Variants in MACF1 observed in about 807,000 individuals in gnomAD.
MACF1 encodes microtubule-actin cross-linking factor 1.
MACF1 carries 193 observed loss-of-function variants against 854.8 expected under a neutral mutation model. The observed-to-expected ratio is 0.23, with a 90% CI of 0.20 to 0.25. MACF1 has a LOEUF of 0.25. MACF1 is among the 10% of genes least tolerant of loss of function. The pLI is 1.00. For missense variants in MACF1, 7,722 were observed against 8,929.1 expected (o/e 0.86, Z 5.45); for synonymous variants, 3,185 against 3,226.7 (o/e 0.99, Z 0.44).
chr1:39,327,113 A>T, intron 35 of MACF1, 105 bp from the exon 36 acceptor site: 1 of 1,091,886 alleles, frequency 9.2e-7, no homozygotes, highest in Non-Finnish European at 1.3e-6. Flanking sequence ...ATATGGAAGA[A>T]GATCATCCAT....
chr1:39,223,729 C>T lies in MACF1; in HGVS notation c.110-7453C>T, dbSNP rs145910692. On this transcript the variant is annotated intron_variant, in intron 1 of 100. Coordinates refer to ENST00000564288, the MANE Select transcript of MACF1 (RefSeq NM_001394062.1). ...ACAGGGGTTCACCAAGTAGGCCGGG[C>T]TGGTTTTGAACTCCTGACCTCCAGT... is the stretch of plus-strand genomic sequence containing the variant. 4.1e-3 allele frequency among the ~76,000 whole-genome samples: 619 copies of T among 152,098 alleles called. 1 individual carries two copies. Among genetic ancestry groups the T allele is most frequent in the Non-Finnish European group, 7.2e-3 (492 of 67,990 alleles).
rs1268731852 is a variant in MACF1 at position 39,428,227 on chromosome 1, T to A, written c.16743T>A (p.Ser5581Arg). 2 of 1,614,078 alleles carry A rather than the reference T, an allele frequency of 1.2e-6. No individual in the cohort carries two copies. Among genetic ancestry groups the A allele is most frequent in the Non-Finnish European group, 1.7e-6 (2 of 1,180,008 alleles). ...TGGCTGAGGTTGAGGACAAGCTCAG[T>A]TCAGTGTTCGTAAAGGATTTCAAAC... ...NWLAEVEDKL[S>R]SVFVKDFKQD... The change falls in exon 63 of 101, where the codon AGT becomes AGA. Residue 5581 changes from serine (S) to arginine (R), a missense_variant. Ser to Arg is a moderately radical substitution (Grantham distance 110, BLOSUM62 -1). Transcript: ENST00000564288.
chr1:39,373,904 A>G (rs1262054715), intron 52 of MACF1, among the ~76,000 whole-genome samples: 2 of 151,308 alleles, frequency 1.3e-5, no homozygotes, highest in African/African-American at 4.9e-5. Context: ...TTGTGCCCAG[A>G]TGTGTATATA....
chr1:39,486,091 A>C lies in MACF1; in HGVS notation c.*297A>C. ...GTATTAAAAAAAAAAAAGCCTATTA[A>C]TAGGGTTTCTGCGCGGTGCAGGGTT... On this transcript the variant is annotated 3_prime_UTR_variant, in exon 101 of 101. Transcript: ENST00000564288. 1.3e-5 allele frequency: 3 copies of C among 229,838 alleles called. No individual in the cohort carries two copies. Among genetic ancestry groups the C allele is most frequent in the Admixed American group, 5.6e-5 (1 of 17,772 alleles). 14.2% of individuals were successfully genotyped at this position (229,838 alleles called of 1,614,324 possible). A position where few individuals can be genotyped will look rare whatever the true frequency, so the allele number is the denominator to read the frequency against.
At chr1:39,192,995 C>T (rs1644275404) in intron 2 of MACF1, among the ~76,000 whole-genome samples, 2 of 152,112 alleles carry the variant, frequency 1.3e-5, no homozygotes, top group South Asian at 4.2e-4. Context: ...GCCTGTAATC[C>T]CAGCTACTTG....
rs562067609 is a variant in MACF1, at chr1:39,444,963, ATC to A, written c.19605+130_19605+131del. On this transcript the variant is annotated intron_variant, in intron 80 of 100. Coordinates refer to ENST00000564288, the MANE Select transcript of MACF1 (RefSeq NM_001394062.1). ...TAACAGAAGTTGCAGAACTGATTCC[ATC>A]TGTGTTGAGTTGCATTGATGGTATA... is the stretch of plus-strand genomic sequence containing the variant. 975 of 760,848 alleles carry A rather than the reference ATC, an allele frequency of 1.3e-3. 16 individuals carry two copies. In the South Asian group the frequency reaches 0.018, roughly 14 times the overall value. 47.1% of individuals were successfully genotyped at this position (760,848 alleles called of 1,614,324 possible).
chr1:39,472,535 C>A (rs1249494336), intron 97 of MACF1, among the ~76,000 whole-genome samples: 1 of 152,158 alleles, frequency 6.6e-6, no homozygotes, highest in African/African-American at 2.4e-5. Flanking sequence ...GAAGAAAGAG[C>A]TTTCATTTCT....
chr1:39,449,759 G>T (rs550357977), intron 84 of MACF1, among the ~76,000 whole-genome samples: 1 of 150,368 alleles, frequency 6.7e-6, no homozygotes, highest in South Asian at 2.1e-4. Context: ...CTGGAGTGCA[G>T]AACTTACTGC....
rs180937636 is a variant in MACF1, at chr1:39,226,454, C to T, written c.110-4728C>T. Reference sequence around the variant, plus strand: ...CTCCCAGGTTGAAGCAGTTCTCCTGCGTCAGCCTTCCGAGTAGCTGGGATT... The same window carrying T: ...CTCCCAGGTTGAAGCAGTTCTCCTGTGTCAGCCTTCCGAGTAGCTGGGATT... On this transcript the variant is annotated intron_variant, in intron 1 of 100. Transcript: ENST00000564288. Among the ~76,000 whole-genome samples the T allele has an allele frequency of 4.6e-3, 692 of 152,088 alleles. 2 individuals carry two copies. Among genetic ancestry groups the T allele is most frequent in the Non-Finnish European group, 6.5e-3 (442 of 68,000 alleles).
chr1:39,461,791 CAAAAAAAAAAA>C (rs59393084), intron 92 of MACF1, 81 bp from the exon 93 acceptor site: 57 of 350,900 alleles, frequency 1.6e-4, no homozygotes, highest in Middle Eastern at 9.2e-4. Flanking sequence ...GACCTTGTCT[CAAAAAAAAAAA>C]AAAAAAAAAA....
chr1:39,286,858 T>TAAAAAC (rs1438222663), intron 14 of MACF1, among the ~76,000 whole-genome samples: 1 of 152,238 alleles, frequency 6.6e-6, no homozygotes, highest in Admixed American at 6.5e-5. Flanking sequence ...GCATTTGTCT[T>TAAAAAC]AAAAACAATT....
chr1:39,415,161 A>T lies in MACF1; in HGVS notation c.15817-7213A>T, dbSNP rs549464967. 3.3e-5 allele frequency among the ~76,000 whole-genome samples: 5 copies of T among 152,348 alleles called. No individual in the cohort carries two copies. The South Asian group carries it at 8.3e-4, about 25-fold the overall frequency. On this transcript the variant is annotated intron_variant, in intron 58 of 100. Transcript: ENST00000564288. ...ATGCAAATATGTGTTTCTGAAAACC[A>T]GAGCTAGGCATAATGTTTATGAAAA...
chr1:39,341,574 C>T (rs1476747832), intron 40 of MACF1, among the ~76,000 whole-genome samples: 2 of 151,388 alleles, frequency 1.3e-5, no homozygotes, highest in African/African-American at 2.4e-5. Context: ...GGCAGGCACC[C>T]GTAATCCCAG....
At chr1:39,467,229 G>A (rs959349936) in intron 95 of MACF1, among the ~76,000 whole-genome samples, 3 of 152,136 alleles carry the variant, frequency 2.0e-5, no homozygotes, top group African/African-American at 7.2e-5. Context: ...AGCCGGCCTG[G>A]TGGCGGGCGC....
At chr1:39,458,610 C>G in intron 90 of MACF1, 120 bp downstream of exon 90, 1 of 1,259,388 alleles carries the variant, frequency 7.9e-7, no homozygotes. Flanking sequence ...GGTTTTGAAC[C>G]AAAATCTCTC....
intron 47 of MACF1, among the ~76,000 whole-genome samples, chr1:39,360,315 T>C (rs2148517916): frequency 6.6e-6 from 1 of 151,930 alleles, no homozygotes; most frequent in East Asian, 1.9e-4. Flanking sequence ...ATTTGATTTT[T>C]ATCATTAATT....
At chr1:39,355,976 G>A (rs1453871486) in intron 44 of MACF1, among the ~76,000 whole-genome samples, 2 of 152,124 alleles carry the variant, frequency 1.3e-5, no homozygotes, top group African/African-American at 4.8e-5. Flanking sequence ...CAGCTTTCTT[G>A]AAATGATGTG....
At chr1:39,280,219 T>C (rs941914987) in intron 6 of MACF1, among the ~76,000 whole-genome samples, 4 of 152,168 alleles carry the variant, frequency 2.6e-5, no homozygotes, top group Non-Finnish European at 4.4e-5. Context: ...TTTATTTGCT[T>C]ATTTTTATTA....
Position 39,360,013 on chromosome 1 carries a change from ATATATATATATATAT to A in MACF1, c.12244+750_12244+764del, listed in dbSNP as rs1371911317. Among the ~76,000 whole-genome samples the A allele has an allele frequency of 3.2e-3, 68 of 20,952 alleles. 1 individual carries two copies. The highest frequency in any genetic ancestry group is 0.014 in the African/African-American group (57 of 4,076). 13.7% of individuals were successfully genotyped at this position (20,952 alleles called of 152,430 possible). On this transcript the variant is annotated intron_variant, in intron 47 of 100. Transcript: ENST00000564288. The stretch of plus-strand genomic sequence containing the variant: ...AAAAAAAAAAAAAAAAAAAAAAAAA[ATATATATATATATAT>A]ATATATATATATATATATATATATA...
Sources: allele counts gnomAD v4.1 joint callset (sites outside exome capture counted in the v4.1 genomes callset), GRCh38; gene constraint gnomAD v4.1.1; transcripts MANE v1.5; gene names NCBI Gene and HGNC (gene_info 2026-07-23, HGNC 2026-07-21).